The following CHCHD3 variants were observed in gnomAD, a reference collection of about 807,000 sequenced individuals.
CHCHD3 encodes MICOS complex subunit MIC19.
CHCHD3 carries 20 observed loss-of-function variants against 38.2 expected under a neutral mutation model. The ratio of observed to expected loss-of-function variants is 0.52; its 90% CI spans 0.37 to 0.76. The LOEUF is 0.76. Among genes scored for constraint, CHCHD3 ranks in the 30% least tolerant of loss-of-function variants. The pLI is 0.00. For synonymous variants in CHCHD3, 82 were observed against 100.0 expected, an observed-to-expected ratio of 0.82 and a Z score of 1.07; for missense variants, 245 against 279.2, an observed-to-expected ratio of 0.88 and a Z score of 0.87.
Position 132,939,681 on chromosome 7 carries a change from G to A in CHCHD3, c.369+35488C>T, listed in dbSNP as rs146678530. On this transcript the variant is annotated intron_variant, in intron 4 of 7. Coordinates refer to ENST00000262570, the MANE Select transcript of CHCHD3 (RefSeq NM_017812.4). ...ACATTAAGGAGTCCTTTGAACAAAC[G>A]AAAATTTGGAAAGGAAGAATGAAGA... 6.5e-3 allele frequency among the ~76,000 whole-genome samples: 994 copies of A among 152,234 alleles called. 10 individuals carry two copies. The highest frequency in any genetic ancestry group is 0.022 in the African/African-American group (914 of 41,542).
intron 5 of CHCHD3, among the ~76,000 whole-genome samples, chr7:132,876,070 C>A (rs1183439198): frequency 6.6e-6 from 1 of 152,172 alleles, no homozygotes. Context: ...AGAAGCACTG[C>A]AATTTCCTTT....
At chr7:132,874,949 G>A (rs955655722) in intron 5 of CHCHD3, among the ~76,000 whole-genome samples, 3 of 152,020 alleles carry the variant, frequency 2.0e-5, no homozygotes, top group Non-Finnish European at 2.9e-5. Flanking sequence ...TGCAAAGGGC[G>A]GCAATCCCAG....
In CHCHD3 at chr7:132,818,084, GTTA is replaced by G. The variant is rs140553156; in HGVS notation, c.524+20312_524+20314del. ...ATGATGCTGAACCTAATTACCATTA[GTTA>G]TTATTTGCTATGGTTACAATTGCAC... is the stretch of plus-strand genomic sequence containing the variant. On this transcript the variant is annotated intron_variant, in intron 6 of 7. Transcript: ENST00000262570. Among the ~76,000 whole-genome samples the G allele has an allele frequency of 3.8e-3, 574 of 152,236 alleles. 2 individuals carry two copies. Among genetic ancestry groups the G allele is most frequent in the Non-Finnish European group, 6.5e-3 (440 of 68,018 alleles).
At chr7:133,066,259 T>C (rs1041107635) in intron 2 of CHCHD3, among the ~76,000 whole-genome samples, 1 of 149,034 alleles carries the variant, frequency 6.7e-6, no homozygotes, top group Non-Finnish European at 1.5e-5. Flanking sequence ...TGGCATACTT[T>C]TTTTTTTTTT....
At chr7:133,026,160 C>A (rs941664336) in intron 2 of CHCHD3, among the ~76,000 whole-genome samples, 4 of 152,020 alleles carry the variant, frequency 2.6e-5, no homozygotes, top group Non-Finnish European at 4.4e-5. Flanking sequence ...ATAGGATATA[C>A]AATATATAAA....
At chr7:133,009,838 T>C (rs1405678720) in intron 3 of CHCHD3, among the ~76,000 whole-genome samples, 1 of 152,214 alleles carries the variant, frequency 6.6e-6, no homozygotes, top group Non-Finnish European at 1.5e-5. Flanking sequence ...ATTTTGATTA[T>C]GTTGTTAGCC....
intron 2 of CHCHD3, among the ~76,000 whole-genome samples, chr7:133,026,151 T>C (rs531180249): frequency 6.6e-6 from 1 of 152,262 alleles, no homozygotes; most frequent in African/African-American, 2.4e-5. Flanking sequence ...TGCACGTATA[T>C]AGGATATACA....
At chr7:132,943,263 A>T (rs1185978994) in intron 4 of CHCHD3, among the ~76,000 whole-genome samples, 2 of 152,172 alleles carry the variant, frequency 1.3e-5, no homozygotes, top group African/African-American at 4.8e-5. Flanking sequence ...CAGATAAATC[A>T]TACTAGCAAA....
intron 2 of CHCHD3, among the ~76,000 whole-genome samples, chr7:133,058,973 G>C (rs1814420049): frequency 6.6e-6 from 1 of 152,142 alleles, no homozygotes. Flanking sequence ...CCCACACTGG[G>C]AGGACTGGCC....
intron 5 of CHCHD3, among the ~76,000 whole-genome samples, chr7:132,861,887 C>T (rs1273897092): frequency 6.6e-6 from 1 of 152,064 alleles, no homozygotes; most frequent in Non-Finnish European, 1.5e-5. Flanking sequence ...AATTTTAAGC[C>T]TCAGGTGTCA....
intron 4 of CHCHD3, among the ~76,000 whole-genome samples, chr7:132,917,066 G>A (rs922088480): frequency 2.0e-5 from 3 of 152,182 alleles, no homozygotes; most frequent in Non-Finnish European, 4.4e-5. Flanking sequence ...AAATGTTACA[G>A]ACTGAATCCA....
rs568869205 is a variant in CHCHD3, at chr7:133,081,841, G to A, written c.81+16C>T. 1.5e-5 allele frequency: 23 copies of A among 1,552,044 alleles called. No individual in the cohort carries two copies. In the South Asian group the frequency reaches 1.9e-4, roughly 13 times the overall value. On this transcript the variant is annotated intron_variant, in intron 1 of 7. Coordinates refer to ENST00000262570, the MANE Select transcript of CHCHD3 (RefSeq NM_017812.4). ...GAGTCCAACCACTGGCCCTCCGCCCGTCCACGGGCACTCACCCGGATGCCC... is the reference window on the plus strand; with the variant it reads ...GAGTCCAACCACTGGCCCTCCGCCCATCCACGGGCACTCACCCGGATGCCC...
Position 132,913,995 on chromosome 7 carries a change from A to G in CHCHD3, c.370-28250T>C, listed in dbSNP as rs574743609. Reference sequence around the variant, plus strand: ...GAGATGGAGTCTTGCTCTATTGCCCAGGCTTCCAGGCTGGAGTGCAATGGC... The same window carrying G: ...GAGATGGAGTCTTGCTCTATTGCCCGGGCTTCCAGGCTGGAGTGCAATGGC... On this transcript the variant is annotated intron_variant, in intron 4 of 7. Coordinates refer to ENST00000262570, the MANE Select transcript of CHCHD3 (RefSeq NM_017812.4). Among the ~76,000 whole-genome samples, 27 of 122,930 alleles carry G rather than the reference A, an allele frequency of 2.2e-4. No homozygotes were observed. In the South Asian group the frequency reaches 6.7e-3, roughly 30 times the overall value. 80.6% of individuals were successfully genotyped at this position (122,930 alleles called of 152,430 possible).
intron 3 of CHCHD3, among the ~76,000 whole-genome samples, chr7:132,980,385 G>C (rs1196767132): frequency 6.6e-6 from 1 of 151,990 alleles, no homozygotes; most frequent in East Asian, 1.9e-4. Flanking sequence ...TTATTTATTG[G>C]CATTTCCCAC....
intron 4 of CHCHD3, chr7:132,887,098 A>C (rs1200857725): frequency 2.0e-6 from 1 of 511,628 alleles, no homozygotes; most frequent in Non-Finnish European, 3.0e-6. Context: ...AATGCAAGCC[A>C]AAGAAGGTAA....
intron 3 of CHCHD3, among the ~76,000 whole-genome samples, chr7:132,998,169 G>T (rs1452422869): frequency 1.3e-5 from 2 of 152,070 alleles, no homozygotes; most frequent in Non-Finnish European, 2.9e-5. Context: ...GTCATTTTTT[G>T]CTTAGTTCAA....
At chr7:132,997,744 A>G (rs1812463351) in intron 3 of CHCHD3, among the ~76,000 whole-genome samples, 1 of 151,354 alleles carries the variant, frequency 6.6e-6, no homozygotes, top group Non-Finnish European at 1.5e-5. Flanking sequence ...TCAGAGACCA[A>G]TGCTTGAACT....
At chr7:133,059,920 G>A (rs187349658) in intron 2 of CHCHD3, among the ~76,000 whole-genome samples, 1 of 152,300 alleles carries the variant, frequency 6.6e-6, no homozygotes, top group African/African-American at 2.4e-5. Context: ...CTGTGGCTGA[G>A]CGTACAGAAC....
At chr7:132,882,157 T>G (rs1809075473) in intron 5 of CHCHD3, among the ~76,000 whole-genome samples, 1 of 152,162 alleles carries the variant, frequency 6.6e-6, no homozygotes, top group South Asian at 2.1e-4. Flanking sequence ...CACACTCATC[T>G]GATCTACCCC....
Sources: gnomAD v4.1 joint callset for allele counts (sites outside exome capture counted in the v4.1 genomes callset) on GRCh38, gnomAD v4.1.1 for gene constraint, MANE v1.5 for transcripts, NCBI Gene and HGNC (gene_info 2026-07-23, HGNC 2026-07-21) for gene names.